Variants in GLIS3 observed in about 807,000 individuals in gnomAD.
GLIS3 encodes the protein zinc finger protein GLIS3.
GLIS3 carries 53 observed loss-of-function variants against 78.6 expected under a neutral mutation model. The ratio of observed to expected loss-of-function variants is 0.67; its 90% CI spans 0.54 to 0.85. The LOEUF (loss-of-function observed/expected upper bound fraction) is 0.85, where lower values mean the gene tolerates loss of function less well. Among genes scored for constraint, GLIS3 ranks in the 40% least tolerant of loss-of-function variants. The pLI is 0.00. For synonymous variants in GLIS3, 684 were observed against 509.9 expected, an observed-to-expected ratio of 1.34 and a Z score of -4.60; for missense variants, 1,703 against 1,231.1, an observed-to-expected ratio of 1.38 and a Z score of -5.74.
the GLIS3 span, among the ~76,000 whole-genome samples, chr9:4,356,908 C>G: frequency 6.6e-6 from 1 of 152,166 alleles, no homozygotes; most frequent in African/African-American, 2.4e-5. Flanking sequence ...ATACCAGGAG[C>G]TGGAATTGGC....
chr9:4,171,533 T>G (rs933239612), intron 2 of GLIS3, among the ~76,000 whole-genome samples: 1 of 152,158 alleles, frequency 6.6e-6, no homozygotes, highest in African/African-American at 2.4e-5. Context: ...ACTTCAAAAT[T>G]TGGAATAAGG....
At chr9:4,460,533 A>C in the GLIS3 span, among the ~76,000 whole-genome samples, 1 of 152,104 alleles carries the variant, frequency 6.6e-6, no homozygotes. Context: ...TGTCCTGGCT[A>C]GTGCAGGAAA....
At chr9:4,015,064 A>G (rs1303593087) in intron 4 of GLIS3, among the ~76,000 whole-genome samples, 1 of 152,254 alleles carries the variant, frequency 6.6e-6, no homozygotes, top group East Asian at 1.9e-4. Context: ...GTAAAGTGAA[A>G]GCTATAGAGA....
At chr9:3,908,307 G>C (rs188166251) in intron 6 of GLIS3, among the ~76,000 whole-genome samples, 2 of 152,268 alleles carry the variant, frequency 1.3e-5, no homozygotes, top group East Asian at 1.9e-4. Flanking sequence ...TGTACATTGA[G>C]TCCTAATCTA....
At chr9:3,986,957 T>TAA (rs1273088268) in intron 4 of GLIS3, among the ~76,000 whole-genome samples, 1 of 151,892 alleles carries the variant, frequency 6.6e-6, no homozygotes, top group East Asian at 1.9e-4. Flanking sequence ...ACAACTTGAG[T>TAA]AAAAAAAGAC....
At position 4,043,758 on chromosome 9, in the gene GLIS3, G is replaced by T. The variant is rs533344947; in HGVS notation, c.1710+74010C>A. Among the ~76,000 whole-genome samples, 5 of 152,290 alleles carry T rather than the reference G, an allele frequency of 3.3e-5. No homozygotes were observed. The South Asian group carries it at 1.0e-3, about 32-fold the overall frequency. ...CTTTGAGCTACTGGGAACTGACCCA[G>T]TACCTCTTTAGAATAATGTGACTGA... On this transcript the variant is annotated intron_variant, in intron 4 of 10. Transcript: ENST00000381971.
intron 2 of GLIS3, among the ~76,000 whole-genome samples, chr9:4,333,637 A>G (rs1458697177): frequency 1.3e-5 from 2 of 152,086 alleles, no homozygotes; most frequent in South Asian, 4.1e-4. Flanking sequence ...TTTCCCTAAC[A>G]TACTTGGCTA....
upstream of GLIS3, among the ~76,000 whole-genome samples, chr9:4,301,246 T>G (rs139725592): frequency 1.4e-3 from 218 of 152,308 alleles, 2 homozygotes; most frequent in East Asian, 0.039. Flanking sequence ...TCAGCAGAAG[T>G]AGGGGATGAA....
chr9:4,208,297 G>T (rs528686842), intron 2 of GLIS3, among the ~76,000 whole-genome samples: 2 of 152,332 alleles, frequency 1.3e-5, no homozygotes, highest in South Asian at 4.1e-4. Flanking sequence ...CATGGGGGAT[G>T]GAGAGGACTC....
intron 2 of GLIS3, among the ~76,000 whole-genome samples, chr9:4,204,687 G>A (rs930191861): frequency 6.6e-6 from 1 of 152,148 alleles, no homozygotes; most frequent in African/African-American, 2.4e-5. Flanking sequence ...GGAGGCCGAG[G>A]CGGGCAGACT....
chr9:4,296,982 C>T (rs1167391336), intron 1 of GLIS3, among the ~76,000 whole-genome samples: 4 of 151,216 alleles, frequency 2.6e-5, no homozygotes, highest in Non-Finnish European at 5.9e-5. Context: ...CTCAGAACGA[C>T]CTTCATCGTG....
intron 4 of GLIS3, among the ~76,000 whole-genome samples, chr9:4,016,519 A>G (rs950945259): frequency 6.6e-6 from 1 of 152,172 alleles, no homozygotes; most frequent in South Asian, 2.1e-4. Flanking sequence ...CCAATGGGGC[A>G]TTTCAGAAGA....
At chr9:4,472,571 C>A in the GLIS3 span, among the ~76,000 whole-genome samples, 2 of 143,798 alleles carry the variant, frequency 1.4e-5, no homozygotes, top group Non-Finnish European at 3.0e-5. Context: ...AACACTTGGA[C>A]ACAGGGTGGG....
intron 4 of GLIS3, among the ~76,000 whole-genome samples, chr9:4,028,592 C>A (rs1823547272): frequency 6.6e-6 from 1 of 152,084 alleles, no homozygotes; most frequent in Non-Finnish European, 1.5e-5. Flanking sequence ...TAGCCTAGAT[C>A]AAAAAACAAA....
intron 6 of GLIS3, among the ~76,000 whole-genome samples, chr9:3,915,504 A>G (rs12349512): frequency 6.6e-6 from 1 of 152,132 alleles, no homozygotes; most frequent in Non-Finnish European, 1.5e-5. Context: ...TCAGCCTTGC[A>G]TGTTGTCCTC....
chr9:4,205,175 CAAAAAAA>C (rs200420029), intron 2 of GLIS3, among the ~76,000 whole-genome samples: 1,392 of 124,782 alleles, frequency 0.011, 28 homozygotes, highest in African/African-American at 0.039. Context: ...GAGACTCTGT[CAAAAAAA>C]AAAAAAAAAA....
intron 2 of GLIS3, among the ~76,000 whole-genome samples, chr9:4,311,890 T>G (rs1448776287): frequency 6.6e-6 from 1 of 152,058 alleles, no homozygotes; most frequent in African/African-American, 2.4e-5. Context: ...ACAGAAAAGA[T>G]CCTTTAAAAA....
chr9:3,991,914 T>A (rs1451307505), intron 4 of GLIS3, among the ~76,000 whole-genome samples: 2 of 152,064 alleles, frequency 1.3e-5, no homozygotes, highest in African/African-American at 2.4e-5. Context: ...ACAGTCTTGA[T>A]CTCCTGACTT....
At chr9:4,200,092 C>G (rs1819231164) in intron 2 of GLIS3, among the ~76,000 whole-genome samples, 2 of 152,056 alleles carry the variant, frequency 1.3e-5, no homozygotes, top group African/African-American at 4.8e-5. Context: ...AAATTTTTTA[C>G]AAACTTCAAT....
Sources: allele counts gnomAD v4.1 joint callset (sites outside exome capture counted in the v4.1 genomes callset), GRCh38; gene constraint gnomAD v4.1.1; transcripts MANE v1.5; gene names NCBI Gene and HGNC (gene_info 2026-07-23, HGNC 2026-07-21).